Variants in AGFG2 observed in about 807,000 individuals in gnomAD.
AGFG2 encodes arf-GAP domain and FG repeat-containing protein 2.
In AGFG2, 31 loss-of-function variants were observed where a neutral mutation model predicts 48.0. The ratio of observed to expected loss-of-function variants is 0.65; its 90% CI spans 0.49 to 0.87. The LOEUF (loss-of-function observed/expected upper bound fraction) is 0.87. Ranked by LOEUF, AGFG2 falls within the 40% of genes least tolerant of loss-of-function variation. The pLI is 0.00. For missense variants in AGFG2, 599 were observed against 632.6 expected (o/e 0.95, Z 0.57); for synonymous variants, 229 against 260.8 (o/e 0.88, Z 1.18).
chr7:100,562,412 G>A lies in AGFG2; in HGVS notation c.998+33G>A, dbSNP rs1314211147. On this transcript the variant is annotated intron_variant, in intron 7 of 11. Coordinates refer to ENST00000300176, the MANE Select transcript of AGFG2 (RefSeq NM_006076.5). The surrounding 1 kb of genome is among the most constrained non-coding windows in gnomAD (Gnocchi z 5.4). ...CAGACAGTGGGCAGTCTGCTGTAGG[G>A]CAGGAGAGCCGCCCGAAGCCTGGCC... is the stretch of plus-strand genomic sequence containing the variant. 1.9e-6 allele frequency: 3 copies of A among 1,609,926 alleles called. No individual in the cohort carries two copies. Among genetic ancestry groups the A allele is most frequent in the Admixed American group, 3.3e-5 (2 of 59,882 alleles).
chr7:100,563,014 C>A, intron 9 of AGFG2, 68 bp downstream of exon 9: 1 of 1,439,164 alleles, frequency 6.9e-7, no homozygotes. Context: ...ACCCTGCAGC[C>A]TCTCCCTTAA....
At chr7:100,540,814 C>A (rs1800408718) in intron 1 of AGFG2, among the ~76,000 whole-genome samples, 2 of 151,940 alleles carry the variant, frequency 1.3e-5, no homozygotes, top group Admixed American at 1.3e-4. Context: ...GAGATCGAGA[C>A]CATCCTGGCC....
intron 6 of AGFG2, among the ~76,000 whole-genome samples, chr7:100,558,334 T>C (rs1157940868): frequency 6.6e-6 from 1 of 152,138 alleles, no homozygotes; most frequent in African/African-American, 2.4e-5. Flanking sequence ...TGGCCAGTAT[T>C]ATGTGGGGGA....
Position 100,555,694 on chromosome 7 carries a change from C to T in AGFG2, c.836C>T (p.Pro279Leu). 6.2e-7 allele frequency: 1 copy of T among 1,614,160 alleles called. No individual in the cohort carries two copies. The highest frequency in any genetic ancestry group is 1.7e-5 in the Admixed American group (1 of 60,022). Residue 279 changes from proline (P) to leucine (L), a missense_variant, in exon 6 of 12, where the codon CCA becomes CTA. Coordinates refer to ENST00000300176, the MANE Select transcript of AGFG2 (RefSeq NM_006076.5). Reference protein sequence around the residue: ...PSSSVFGSLPPAGQASFQAQP... With the variant: ...PSSSVFGSLPLAGQASFQAQP... ...TCTTCTGTGTTTGGAAGCCTCCCTCCAGCTGGTCAAGCCTCGTTCCAGGCC... is the reference window on the plus strand; with the variant it reads ...TCTTCTGTGTTTGGAAGCCTCCCTCTAGCTGGTCAAGCCTCGTTCCAGGCC...
At position 100,562,903 on chromosome 7, in the gene AGFG2, G is replaced by A. The variant is rs373487166; in HGVS notation, c.1128G>A (p.Pro376=). Residue 376 remains proline (P), a synonymous_variant, in exon 9 of 12, where the codon CCG becomes CCA. Coordinates refer to ENST00000300176, the MANE Select transcript of AGFG2 (RefSeq NM_006076.5). This position sits in a 1 kb window ranked among gnomAD's most constrained non-coding sequence, Gnocchi z 5.4. ...TCACAGCTCCCGCCGCCCAGTCCCC[G>A]CTGCCTTCCACCAACCCGTTCCAGC... The part of the protein sequence containing the change: ...NPFTAPAAQS[P]LPSTNPFQPN... 65 of 1,613,914 alleles carry A rather than the reference G, an allele frequency of 4.0e-5. No homozygotes were observed. The highest frequency in any genetic ancestry group is 3.6e-4 in the East Asian group (16 of 44,894).
intron 1 of AGFG2, among the ~76,000 whole-genome samples, chr7:100,542,630 A>G (rs895452281): frequency 2.0e-5 from 3 of 152,162 alleles, no homozygotes; most frequent in African/African-American, 7.2e-5. Context: ...TCCCTTTGAT[A>G]TGCTGTGGGA....
At chr7:100,542,995 A>G (rs1800449561) in intron 1 of AGFG2, among the ~76,000 whole-genome samples, 1 of 152,220 alleles carries the variant, frequency 6.6e-6, no homozygotes, top group Non-Finnish European at 1.5e-5. Flanking sequence ...AAAAGCTATG[A>G]AGTAAAATGA....
chr7:100,564,123 G>A, intron 10 of AGFG2, 95 bp from the exon 11 acceptor site: 1 of 1,536,662 alleles, frequency 6.5e-7, no homozygotes, highest in East Asian at 2.3e-5. Flanking sequence ...CCACTGCTCT[G>A]TTCCCTTACT....
At position 100,566,555 on chromosome 7, in the gene AGFG2, G is replaced by C. The variant is rs1265469161; in HGVS notation, c.*1564G>C. 1.3e-5 allele frequency: 2 copies of C among 152,300 alleles called. No homozygotes were observed. Among genetic ancestry groups the C allele is most frequent in the African/African-American group, 4.8e-5 (2 of 41,464 alleles). 9.4% of individuals were successfully genotyped at this position (152,300 alleles called of 1,614,324 possible). On this transcript the variant is annotated 3_prime_UTR_variant, in exon 12 of 12. Coordinates refer to ENST00000300176, the MANE Select transcript of AGFG2 (RefSeq NM_006076.5). ...GGGGTTTGTCTGAGTCTTCCACAGA[G>C]AGCAGCAAAGAGATATGGGAGTTGG...
At chr7:100,549,871 T>TGTAA (rs1453304513) in intron 2 of AGFG2, among the ~76,000 whole-genome samples, 176 of 152,256 alleles carry the variant, frequency 1.2e-3, no homozygotes, top group Non-Finnish European at 4.0e-4. Flanking sequence ...TTTTGTATTT[T>TGTAA]TTTAGAGAGT....
intron 5 of AGFG2, 86 bp downstream of exon 5, chr7:100,554,344 T>C: frequency 6.8e-7 from 1 of 1,464,548 alleles, no homozygotes; most frequent in Non-Finnish European, 9.1e-7. Context: ...ACCATGGCTC[T>C]AGATCTTCTC....
chr7:100,565,126 A>G lies in AGFG2; in HGVS notation c.*135A>G. 1 of 1,039,492 alleles carries G rather than the reference A, an allele frequency of 9.6e-7. No homozygotes were observed. Among genetic ancestry groups the G allele is most frequent in the Non-Finnish European group, 1.5e-6 (1 of 674,294 alleles). The allele number at this position is 1,039,492 out of a possible 1,614,324, so 64.4% of individuals were successfully genotyped here. A position where few individuals can be genotyped will look rare whatever the true frequency, so the allele number is the denominator to read the frequency against. ...GGTGCTAATGCTTTGCTTGGGGCCT[A>G]CAGGTGAAAGGTGGCTGCCCTCAGA... On this transcript the variant is annotated 3_prime_UTR_variant, in exon 12 of 12. Coordinates refer to ENST00000300176, the MANE Select transcript of AGFG2 (RefSeq NM_006076.5).
Position 100,562,532 on chromosome 7 carries a change from C to A in AGFG2, c.999-62C>A. 1 of 1,610,982 alleles carries A rather than the reference C, an allele frequency of 6.2e-7. No individual in the cohort carries two copies. Among genetic ancestry groups the A allele is most frequent in the Non-Finnish European group, 8.5e-7 (1 of 1,178,258 alleles). ...GAGAGCAGGGTTGGCATCTCCTGGC[C>A]CCTTGCTCAGGTTTGATTGGCCCTG... On this transcript the variant is annotated intron_variant, in intron 7 of 11. Coordinates refer to ENST00000300176, the MANE Select transcript of AGFG2 (RefSeq NM_006076.5). This position sits in a 1 kb window ranked among gnomAD's most constrained non-coding sequence, Gnocchi z 5.4.
chr7:100,556,974 G>C (rs1562794333), intron 6 of AGFG2, among the ~76,000 whole-genome samples: 1 of 152,168 alleles, frequency 6.6e-6, no homozygotes, highest in Non-Finnish European at 1.5e-5. Context: ...CAGGTGGGCA[G>C]ATCACCTGAG....
At position 100,541,647 on chromosome 7, in the gene AGFG2, C is replaced by T. The variant is rs557313004; in HGVS notation, c.221+2080C>T. Among the ~76,000 whole-genome samples the T allele has an allele frequency of 1.7e-3, 263 of 151,800 alleles. 2 individuals carry two copies. The highest frequency in any genetic ancestry group is 6.0e-3 in the African/African-American group (250 of 41,392). Reference sequence around the variant, plus strand: ...GCATGGTGGCAGGTGCCTGTAATCCCAGCTACTTAGGAGGCTGAGGCAAGA... The same window carrying T: ...GCATGGTGGCAGGTGCCTGTAATCCTAGCTACTTAGGAGGCTGAGGCAAGA... On this transcript the variant is annotated intron_variant, in intron 1 of 11. Coordinates refer to ENST00000300176, the MANE Select transcript of AGFG2 (RefSeq NM_006076.5).
intron 1 of AGFG2, among the ~76,000 whole-genome samples, chr7:100,543,237 G>A (rs927694808): frequency 2.0e-5 from 3 of 152,040 alleles, no homozygotes; most frequent in Non-Finnish European, 4.4e-5. Context: ...GCTAATTTTT[G>A]TATTTTTAGT....
rs770692803 is a variant in AGFG2 at position 100,554,221 on chromosome 7, G to T, written c.714G>T (p.Gln238His). ...GTGGAGACCCCTTTGCTGCACCCCA[G>T]ATGGCACCAGCTTTTGCTGCATTCC... ...DIGGDPFAAPQMAPAFAAFPA... is the reference protein window; with the variant it reads ...DIGGDPFAAPHMAPAFAAFPA... The change falls in exon 5 of 12, where the codon CAG becomes CAT. Residue 238 changes from glutamine (Q) to histidine (H), a missense_variant. Transcript: ENST00000300176. The T allele has an allele frequency of 6.2e-7, 1 of 1,614,012 alleles. No homozygotes were observed. Among genetic ancestry groups the T allele is most frequent in the Non-Finnish European group, 8.5e-7 (1 of 1,179,938 alleles).
rs1800760765 is a variant in AGFG2 at position 100,556,476 on chromosome 7, GGGA to G, written c.877+744_877+746del. Reference sequence around the variant, plus strand: ...CTGCCATTGGACATCCTGGACACATGGGAGGGCAGCTGCAGTGCTCGCCGTCAG... The same window carrying G: ...CTGCCATTGGACATCCTGGACACATGGGGCAGCTGCAGTGCTCGCCGTCAG... On this transcript the variant is annotated intron_variant, in intron 6 of 11. Coordinates refer to ENST00000300176, the MANE Select transcript of AGFG2 (RefSeq NM_006076.5). 7.3e-6 allele frequency: 6 copies of G among 824,098 alleles called. No individual in the cohort carries two copies. The South Asian group carries it at 1.0e-4, about 14-fold the overall frequency. 51.0% of individuals were successfully genotyped at this position (824,098 alleles called of 1,614,324 possible).
chr7:100,563,796 CAGA>C (rs1161925628), intron 9 of AGFG2, 35 bp from the exon 10 acceptor site: 10 of 1,607,676 alleles, frequency 6.2e-6, no homozygotes, highest in African/African-American at 1.3e-5. Flanking sequence ...GCCCACCTTC[CAGA>C]AGTTCACCTG....
Sources: allele counts gnomAD v4.1 joint callset (sites outside exome capture counted in the v4.1 genomes callset), GRCh38; gene constraint gnomAD v4.1.1; non-coding constraint Gnocchi (gnomAD v3.1); transcripts MANE v1.5; gene names NCBI Gene and HGNC (gene_info 2026-07-23, HGNC 2026-07-21).